The following MACROD2 variants were observed in gnomAD, a reference collection of about 807,000 sequenced individuals.
MACROD2 encodes the protein mono-ADP ribosylhydrolase 2.
In MACROD2, 36 loss-of-function variants were observed where a neutral mutation model predicts 70.4. The ratio of observed to expected loss-of-function variants is 0.51; its 90% confidence interval spans 0.39 to 0.68. The LOEUF is 0.68. Among genes scored for constraint, MACROD2 ranks in the 30% least tolerant of loss-of-function variants. MACROD2 has a pLI of 0.00. For synonymous variants in MACROD2, 172 were observed against 178.8 expected, an observed-to-expected ratio of 0.96 and a Z score of 0.30; for missense variants, 496 against 538.4, an observed-to-expected ratio of 0.92 and a Z score of 0.78.
At chr20:14,481,938 A>G (rs2048698868) in intron 3 of MACROD2, among the ~76,000 whole-genome samples, 1 of 152,152 alleles carries the variant, frequency 6.6e-6, no homozygotes, top group Non-Finnish European at 1.5e-5. Flanking sequence ...TGTATATTCC[A>G]TTATTTGGTT....
At chr20:14,360,231 A>G (rs1383166060) in intron 3 of MACROD2, among the ~76,000 whole-genome samples, 1 of 152,146 alleles carries the variant, frequency 6.6e-6, no homozygotes, top group Non-Finnish European at 1.5e-5. Context: ...ATAAAAATCT[A>G]TCGTATACTT....
intron 5 of MACROD2, among the ~76,000 whole-genome samples, chr20:14,804,674 C>G (rs531310544): frequency 2.0e-5 from 3 of 151,966 alleles, no homozygotes; most frequent in Middle Eastern, 3.2e-3. Flanking sequence ...CTCCCTTCTA[C>G]CTGCCGTTCA....
chr20:14,616,105 A>G (rs1983462219), intron 4 of MACROD2, among the ~76,000 whole-genome samples: 1 of 152,096 alleles, frequency 6.6e-6, no homozygotes, highest in Non-Finnish European at 1.5e-5. Flanking sequence ...ACTCATGTTG[A>G]TTTGAATCCT....
intron 8 of MACROD2, among the ~76,000 whole-genome samples, chr20:15,688,493 G>A (rs2050256551): frequency 6.6e-6 from 1 of 152,208 alleles, no homozygotes; most frequent in Admixed American, 6.5e-5. Flanking sequence ...GCTTTGAGAT[G>A]TTTAGGAAAA....
chr20:15,086,929 T>C (rs1162580894), intron 5 of MACROD2, among the ~76,000 whole-genome samples: 1 of 152,132 alleles, frequency 6.6e-6, no homozygotes, highest in Non-Finnish European at 1.5e-5. Flanking sequence ...TGATGGTCCT[T>C]CCATATTTTT....
intron 8 of MACROD2, among the ~76,000 whole-genome samples, chr20:15,765,995 G>A (rs1470344814): frequency 6.7e-6 from 1 of 149,172 alleles, no homozygotes; most frequent in Admixed American, 6.6e-5. Context: ...AGGGATGTGA[G>A]AAGAAGAAAA....
intron 6 of MACROD2, among the ~76,000 whole-genome samples, chr20:15,265,527 A>T (rs1250533805): frequency 6.6e-6 from 1 of 151,776 alleles, no homozygotes; most frequent in African/African-American, 2.4e-5. Flanking sequence ...CATGTGACTC[A>T]TTTTTTTTCG....
At chr20:15,864,225 T>C (rs898621113) in intron 9 of MACROD2, among the ~76,000 whole-genome samples, 5 of 152,230 alleles carry the variant, frequency 3.3e-5, no homozygotes, top group African/African-American at 9.6e-5. Context: ...CTGATGACTT[T>C]TATTGTTTCA....
intron 12 of MACROD2, among the ~76,000 whole-genome samples, chr20:15,966,666 C>T (rs1208670009): frequency 6.6e-6 from 1 of 152,152 alleles, no homozygotes; most frequent in African/African-American, 2.4e-5. Context: ...CGCTTGAGCC[C>T]AGGAGTTTGA....
intron 3 of MACROD2, among the ~76,000 whole-genome samples, chr20:14,247,784 G>A (rs1316797091): frequency 6.6e-6 from 1 of 152,132 alleles, no homozygotes; most frequent in African/African-American, 2.4e-5. Context: ...ATCAAAGGAA[G>A]GTTTCTAAGA....
At chr20:14,077,314 G>A (rs2053927168) in intron 2 of MACROD2, among the ~76,000 whole-genome samples, 1 of 152,110 alleles carries the variant, frequency 6.6e-6, no homozygotes, top group South Asian at 2.1e-4. Flanking sequence ...AATTGGGCCT[G>A]TTAATAAAAT....
intron 3 of MACROD2, among the ~76,000 whole-genome samples, chr20:14,428,747 C>T (rs1600228669): frequency 6.6e-6 from 1 of 152,014 alleles, no homozygotes. Flanking sequence ...ACTTATTACC[C>T]GTGAAGATAA....
chr20:14,574,238 C>CCT (rs1417610938), intron 4 of MACROD2, among the ~76,000 whole-genome samples: 1 of 152,118 alleles, frequency 6.6e-6, no homozygotes, highest in African/African-American at 2.4e-5. Flanking sequence ...TGGGCTCAGA[C>CCT]CTCTGCTACT....
At chr20:15,960,262 A>G (rs1477384403) in intron 12 of MACROD2, among the ~76,000 whole-genome samples, 1 of 152,206 alleles carries the variant, frequency 6.6e-6, no homozygotes, top group Non-Finnish European at 1.5e-5. Flanking sequence ...TGACCCAGCT[A>G]CTAGGGTCAT....
intron 3 of MACROD2, among the ~76,000 whole-genome samples, chr20:14,358,865 T>A (rs555438777): frequency 6.6e-6 from 1 of 152,154 alleles, no homozygotes; most frequent in Non-Finnish European, 1.5e-5. Flanking sequence ...CTATTGTGCT[T>A]TATTGCTTCA....
intron 3 of MACROD2, among the ~76,000 whole-genome samples, chr20:14,318,939 G>C (rs1038822429): frequency 6.6e-6 from 1 of 152,124 alleles, no homozygotes; most frequent in Non-Finnish European, 1.5e-5. Context: ...TTTGCTTGAG[G>C]ATGACCTTTC....
intron 8 of MACROD2, among the ~76,000 whole-genome samples, chr20:15,516,668 A>C (rs752378724): frequency 5.3e-5 from 8 of 152,112 alleles, no homozygotes; most frequent in Non-Finnish European, 7.3e-5. Context: ...GTGAAATCCA[A>C]ATGCCTGTCT....
chr20:14,932,087 A>G lies in MACROD2; in HGVS notation c.418+247128A>G, dbSNP rs116133296. 5.1e-3 allele frequency among the ~76,000 whole-genome samples: 777 copies of G among 152,166 alleles called. 11 individuals are homozygous for G. The highest frequency in any genetic ancestry group is 0.018 in the African/African-American group (737 of 41,508). On this transcript the variant is annotated intron_variant, in intron 5 of 17. Coordinates refer to ENST00000684519, the MANE Select transcript of MACROD2 (RefSeq NM_001351661.2). ...GGCTTTACCTACCTGGTACGAAATA[A>G]AGGAAGCATAATAGAGAAAGTTCTC...
intron 7 of MACROD2, among the ~76,000 whole-genome samples, chr20:15,490,449 T>G (rs758603376): frequency 6.6e-6 from 1 of 151,954 alleles, no homozygotes; most frequent in Admixed American, 6.6e-5. Context: ...TTTGTAGAGA[T>G]AAGATCTCTC....
Sources: allele counts gnomAD v4.1 joint callset (sites outside exome capture counted in the v4.1 genomes callset), GRCh38; gene constraint gnomAD v4.1.1; transcripts MANE v1.5; gene names NCBI Gene and HGNC (gene_info 2026-07-23, HGNC 2026-07-21).